Variants in C7orf57 observed in about 807,000 individuals in gnomAD.
C7orf57 encodes the protein uncharacterized protein C7orf57.
C7orf57 carries 33 observed loss-of-function variants against 39.0 expected under a neutral mutation model. That is an observed-to-expected ratio of 0.85 (90% CI 0.64 to 1.13). C7orf57 has a LOEUF of 1.13. Among genes scored for constraint, C7orf57 ranks in the 50% most tolerant of loss-of-function variants. C7orf57 has a pLI of 0.00. For synonymous variants in C7orf57, 124 were observed against 137.1 expected (o/e 0.90, Z 0.67); for missense variants, 346 against 362.3 (o/e 0.95, Z 0.37).
intron 8 of C7orf57, among the ~76,000 whole-genome samples, chr7:48,057,813 T>G (rs13224663): frequency 6.6e-6 from 1 of 151,228 alleles, no homozygotes; most frequent in Non-Finnish European, 1.5e-5. Context: ...TTGTTGAGAG[T>G]TTTTTTTATC....
At chr7:48,051,832 T>C (rs1790931805) in intron 6 of C7orf57, among the ~76,000 whole-genome samples, 1 of 59,854 alleles carries the variant, frequency 1.7e-5, no homozygotes, top group Non-Finnish European at 3.4e-5. Context: ...TCTTTCTTTC[T>C]TTCTTTCTTT....
At chr7:48,048,135 A>T (rs1790769667) in intron 5 of C7orf57, among the ~76,000 whole-genome samples, 1 of 152,194 alleles carries the variant, frequency 6.6e-6, no homozygotes, top group Admixed American at 6.5e-5. Flanking sequence ...AGGAGATAGG[A>T]TGACAAGGGG....
At chr7:48,059,578 T>C (rs1034228361) in intron 8 of C7orf57, among the ~76,000 whole-genome samples, 12 of 152,328 alleles carry the variant, frequency 7.9e-5, no homozygotes, top group Admixed American at 6.5e-4. Flanking sequence ...CTTGAACTCC[T>C]AAGCTGAAGC....
At chr7:48,047,175 C>G (rs925547347) in intron 5 of C7orf57, among the ~76,000 whole-genome samples, 8 of 152,120 alleles carry the variant, frequency 5.3e-5, no homozygotes, top group African/African-American at 1.9e-4. Flanking sequence ...GTTGGGAAGT[C>G]TTGACAGGAG....
chr7:48,051,315 G>GGACTATA (rs915842592), intron 6 of C7orf57, among the ~76,000 whole-genome samples: 1 of 148,050 alleles, frequency 6.8e-6, no homozygotes, highest in Non-Finnish European at 1.5e-5. Context: ...CCAAGTAGCG[G>GGACTATA]GACTATAGGT....
Position 48,051,347 on chromosome 7 carries a change from A to ATTT in C7orf57, c.606-1335_606-1333dup, listed in dbSNP as rs71006546. Among the ~76,000 whole-genome samples, 617 of 69,760 alleles carry ATTT rather than the reference A, an allele frequency of 8.8e-3. 57 individuals are homozygous for ATTT. The highest frequency in any genetic ancestry group is 0.031 in the African/African-American group (506 of 16,552). The allele number at this position is 69,760 out of a possible 152,430, so 45.8% of individuals were successfully genotyped here. On this transcript the variant is annotated intron_variant, in intron 6 of 8. Transcript: ENST00000348904. Reference sequence around the variant, plus strand: ...AGGTGCCTGCCACCACAGCTGGCTAATTTTTTTTTTTTTTTTTTTTGGAGA... The same window carrying ATTT: ...AGGTGCCTGCCACCACAGCTGGCTAATTTTTTTTTTTTTTTTTTTTTTTGGAGA...
In C7orf57 at chr7:48,039,469, T is replaced by G. The variant is rs556606788; in HGVS notation, c.56-1865T>G. Among the ~76,000 whole-genome samples the G allele has an allele frequency of 3.3e-5, 5 of 151,498 alleles. No homozygotes were observed. In the South Asian group the frequency reaches 8.5e-4, roughly 26 times the overall value. On this transcript the variant is annotated intron_variant, in intron 2 of 8. Coordinates refer to ENST00000348904, the MANE Select transcript of C7orf57 (RefSeq NM_001100159.3). ...TTTCAGGTTTACTTTGGAATGCTCT[T>G]GGCTGAGTGGGGGGATTCATTCAGT...
In C7orf57 at chr7:48,036,189, G is replaced by A; in HGVS notation, c.-101-19G>A. 1 of 1,066,488 alleles carries A rather than the reference G, an allele frequency of 9.4e-7. No individual in the cohort carries two copies. Among genetic ancestry groups the A allele is most frequent in the Non-Finnish European group, 1.4e-6 (1 of 705,776 alleles). The allele number at this position is 1,066,488 out of a possible 1,614,324, so 66.1% of individuals were successfully genotyped here. ...GTACAGACCGACCCAGAGCGGGCGC[G>A]CGGATTTTGCTTTTGCAGCTGCAGC... On this transcript the variant is annotated intron_variant, in intron 1 of 8. Transcript: ENST00000348904.
At chr7:48,050,638 T>A (rs903392654) in intron 6 of C7orf57, among the ~76,000 whole-genome samples, 2 of 152,214 alleles carry the variant, frequency 1.3e-5, no homozygotes, top group African/African-American at 4.8e-5. Context: ...GAAATATACA[T>A]GTATTCATAT....
intron 2 of C7orf57, among the ~76,000 whole-genome samples, chr7:48,039,769 ACG>A (rs879313069): frequency 0.45 from 68,965 of 151,748 alleles, 16,909 homozygotes; most frequent in African/African-American, 0.59. Context: ...CTGTGACAGT[ACG>A]TTCTGATAAG....
intron 8 of C7orf57, among the ~76,000 whole-genome samples, chr7:48,057,283 G>A (rs1791143789): frequency 6.6e-6 from 1 of 151,858 alleles, no homozygotes; most frequent in African/African-American, 2.4e-5. Context: ...CCATTTATCT[G>A]TGTCTTCTTC....
At chr7:48,043,432 G>C (rs1040018677) in intron 3 of C7orf57, 49 bp from the exon 4 acceptor site, 1 of 1,411,478 alleles carries the variant, frequency 7.1e-7, no homozygotes. Context: ...CTGTGCGTCT[G>C]TGTAGGGGCG....
At chr7:48,043,004 G>A (rs538191761) in intron 3 of C7orf57, among the ~76,000 whole-genome samples, 12 of 152,184 alleles carry the variant, frequency 7.9e-5, no homozygotes, top group Non-Finnish European at 1.5e-4. Flanking sequence ...TGGAAACCTG[G>A]AGGTGTGGCT....
At chr7:48,051,759 T>TC in intron 6 of C7orf57, among the ~76,000 whole-genome samples, 1 of 26,202 alleles carries the variant, frequency 3.8e-5, no homozygotes. Flanking sequence ...CTTTTCTTTC[T>TC]TTCTTTCTTT....
At chr7:48,043,972 A>G (rs2128792509) in intron 4 of C7orf57, among the ~76,000 whole-genome samples, 1 of 152,220 alleles carries the variant, frequency 6.6e-6, no homozygotes, top group Non-Finnish European at 1.5e-5. Context: ...TCTTGGCCTC[A>G]CGGATTCCAA....
chr7:48,043,411 C>A, intron 3 of C7orf57, 70 bp from the exon 4 acceptor site: 1 of 1,163,320 alleles, frequency 8.6e-7, no homozygotes, highest in Non-Finnish European at 1.3e-6. Context: ...TTGAGCCTAT[C>A]ACTGGCAATG....
In C7orf57 at chr7:48,054,612, T is replaced by TACC. The variant is rs753572694; in HGVS notation, c.841+8_841+9insCAC. 131 of 1,549,166 alleles carry TACC rather than the reference T, an allele frequency of 8.5e-5. No individual in the cohort carries two copies. Among genetic ancestry groups the TACC allele is most frequent in the Admixed American group, 2.7e-4 (14 of 50,954 alleles). The stretch of plus-strand genomic sequence containing the variant: ...TATTACAGAGTCTTCTCAAAGTGAG[T>TACC]ACTTATAAAGTAACCAGCACCAAAA... On this transcript the variant is annotated splice_region_variant and intron_variant, in intron 8 of 8. Transcript: ENST00000348904.
chr7:48,051,766 C>CTTCCT (rs1790905618), intron 6 of C7orf57, among the ~76,000 whole-genome samples: 1 of 63,766 alleles, frequency 1.6e-5, no homozygotes, highest in Non-Finnish European at 3.6e-5. Context: ...TTCTTTCTTT[C>CTTCCT]TTTCTTTCTT....
chr7:48,052,653 C>T (rs780071422), intron 6 of C7orf57, 47 bp from the exon 7 acceptor site: 2 of 1,518,306 alleles, frequency 1.3e-6, no homozygotes, highest in Non-Finnish European at 1.8e-6. Flanking sequence ...TCTGCTTTAT[C>T]ATTAACCCTT....
Sources: gnomAD v4.1 joint callset for allele counts (sites outside exome capture counted in the v4.1 genomes callset) on GRCh38, gnomAD v4.1.1 for gene constraint, MANE v1.5 for transcripts, NCBI Gene and HGNC (gene_info 2026-07-23, HGNC 2026-07-21) for gene names.